The following KRT73 variants were observed in gnomAD, a reference collection of about 807,000 sequenced individuals.
KRT73 encodes keratin, type II cytoskeletal 73.
In KRT73, 44 loss-of-function variants were observed where a neutral mutation model predicts 47.2. The ratio of observed to expected loss-of-function variants is 0.93; its 90% confidence interval spans 0.73 to 1.20. The LOEUF is 1.20. Among genes scored for constraint, KRT73 ranks in the 50% most tolerant of loss-of-function variants. The pLI is 0.00. For missense variants in KRT73, 713 were observed against 704.5 expected, an observed-to-expected ratio of 1.01 and a Z score of -0.14; for synonymous variants, 285 against 291.3, an observed-to-expected ratio of 0.98 and a Z score of 0.22.
upstream of KRT73, among the ~76,000 whole-genome samples, chr12:52,620,258 C>T (rs963015621): frequency 6.6e-6 from 1 of 151,724 alleles, no homozygotes; most frequent in Non-Finnish European, 1.5e-5. Flanking sequence ...GGATGCAACA[C>T]CACGCCCGGC....
Position 52,618,086 on chromosome 12 carries a change from T to C in KRT73, c.439A>G (p.Ile147Val). 3 of 1,613,596 alleles carry C rather than the reference T, an allele frequency of 1.9e-6. No individual in the cohort carries two copies. Among genetic ancestry groups the C allele is most frequent in the African/African-American group, 1.3e-5 (1 of 74,990 alleles). ...TCTCCAGAAAGACCCACCTTGTCAA[T>C]GAAGGAGGCGAACTTGTTGTTCAGC... ...KVLNNKFASF[I>V]DKVRFLEQQN... Residue 147 changes from isoleucine to valine, a missense_variant, in exon 1 of 9, where the codon ATT (isoleucine) becomes GTT (valine). Transcript: ENST00000305748.
intron 7 of KRT73, 31 bp downstream of exon 7, chr12:52,610,584 C>A (rs749486657): frequency 1.6e-6 from 2 of 1,284,938 alleles, no homozygotes; most frequent in South Asian, 2.3e-5. Context: ...TGGAGACTTG[C>A]AGTTTCTTCC....
Position 52,610,791 on chromosome 12 carries a change from C to T in KRT73, c.1155G>A (p.Gly385=), listed in dbSNP as rs1168439920. 1.9e-6 allele frequency: 3 copies of T among 1,613,464 alleles called. No homozygotes were observed. Among genetic ancestry groups the T allele is most frequent in the Non-Finnish European group, 2.5e-6 (3 of 1,179,992 alleles). The change falls in exon 7 of 9, where the codon GGG becomes GGA. Residue 385 remains glycine (G), a synonymous_variant. Transcript: ENST00000305748. ...CCCTGGCATCCTTGAGGGCACAGTC[C>T]CCCCGCTGCTCGGCGTCAGCGATGG... ...ETAIADAEQR[G]DCALKDARAK... is the part of the protein sequence containing the mutation.
At position 52,611,114 on chromosome 12, in the gene KRT73, A is replaced by G. The variant is rs1940691895; in HGVS notation, c.1110+90T>C. ...TCCATTTGAAGAAGGGGATTCTGAA[A>G]TGGATGCTCAAGAGAAGGAGGGGGC... is the stretch of plus-strand genomic sequence containing the variant. On this transcript the variant is annotated intron_variant, in intron 6 of 8. Coordinates refer to ENST00000305748, the MANE Select transcript of KRT73 (RefSeq NM_175068.3). 7 of 1,505,800 alleles carry G rather than the reference A, an allele frequency of 4.6e-6. No homozygotes were observed. The South Asian group carries it at 8.7e-5, about 19-fold the overall frequency. The allele number at this position is 1,505,800 out of a possible 1,614,324, so 93.3% of individuals were successfully genotyped here. A position where few individuals can be genotyped will look rare whatever the true frequency, so the allele number is the denominator to read the frequency against.
At position 52,608,138 on chromosome 12, in the gene KRT73, G is replaced by C; in HGVS notation, c.*58C>G. ...TGAGACAGAGGAATTTCCTAGAAGA[G>C]TCCGGAGCAGTCTGCCAGGGCAAGG... On this transcript the variant is annotated 3_prime_UTR_variant, in exon 9 of 9. Transcript: ENST00000305748. 2 of 1,544,960 alleles carry C rather than the reference G, an allele frequency of 1.3e-6. No individual in the cohort carries two copies. Among genetic ancestry groups the C allele is most frequent in the Admixed American group, 1.8e-5 (1 of 54,736 alleles).
intron 1 of KRT73, 41 bp from the exon 2 acceptor site, chr12:52,616,421 G>A (rs1940815966): frequency 2.5e-6 from 4 of 1,608,484 alleles, no homozygotes; most frequent in Non-Finnish European, 3.4e-6. Flanking sequence ...TGTGGAGAGG[G>A]GATGTGAGAA....
chr12:52,628,648 T>G, the KRT73 span, among the ~76,000 whole-genome samples: 44 of 152,302 alleles, frequency 2.9e-4, 1 homozygote, highest in East Asian at 6.0e-3. Context: ...GAAGAGCTCT[T>G]GCTTCTGCAT....
chr12:52,610,552 C>CCCCCA, intron 7 of KRT73, 63 bp downstream of exon 7: 1 of 1,169,926 alleles, frequency 8.5e-7, no homozygotes. Flanking sequence ...CGCCCCCAAC[C>CCCCCA]ACACTCTGGG....
intron 7 of KRT73, 71 bp downstream of exon 7, chr12:52,610,544 C>CCA: frequency 3.5e-6 from 2 of 577,084 alleles, no homozygotes; most frequent in South Asian, 2.0e-5. Flanking sequence ...CTCCCCCCCG[C>CCA]CCCCAACCAC....
intron 1 of KRT73, among the ~76,000 whole-genome samples, chr12:52,616,896 C>G (rs1940826127): frequency 6.6e-6 from 1 of 152,196 alleles, no homozygotes; most frequent in Admixed American, 6.5e-5. Flanking sequence ...GCTTTCATGT[C>G]TGAATCTCTA....
chr12:52,622,247 T>A (rs1940918968), upstream of KRT73, among the ~76,000 whole-genome samples: 1 of 152,084 alleles, frequency 6.6e-6, no homozygotes, highest in Non-Finnish European at 1.5e-5. Context: ...ACTAAGAACA[T>A]GCTAAATAGA....
At chr12:52,624,886 G>A in the KRT73 span, among the ~76,000 whole-genome samples, 19 of 151,666 alleles carry the variant, frequency 1.3e-4, no homozygotes, top group African/African-American at 1.7e-4. Context: ...TTCAGTGGAA[G>A]AAAGTTAGCC....
At position 52,610,759 on chromosome 12, in the gene KRT73, A is replaced by C. The variant is rs747581795; in HGVS notation, c.1187T>G (p.Leu396Arg). Residue 396 changes from leucine to arginine, a missense_variant, in exon 7 of 9, where the codon CTG becomes CGG. By Grantham distance (102) the Leu-to-Arg change is moderately radical (BLOSUM62 -2). Transcript: ENST00000305748. ...CTGCAGGGCGCCCTCCAGCTCATCC[A>C]GCTTGGCCCTGGCATCCTTGAGGGC... ...DCALKDARAKLDELEGALQQA... is the reference protein window; with the variant it reads ...DCALKDARAKRDELEGALQQA... 1.5e-5 allele frequency: 25 copies of C among 1,613,760 alleles called. No individual in the cohort carries two copies. The highest frequency in any genetic ancestry group is 1.4e-5 in the Non-Finnish European group (17 of 1,180,002).
At position 52,611,582 on chromosome 12, in the gene KRT73, C is replaced by A. The variant is rs1940704613; in HGVS notation, c.985-253G>T. 2.0e-5 allele frequency among the ~76,000 whole-genome samples: 3 copies of A among 152,184 alleles called. No homozygotes were observed. The South Asian group carries it at 6.2e-4, about 32-fold the overall frequency. On this transcript the variant is annotated intron_variant, in intron 5 of 8. Coordinates refer to ENST00000305748, the MANE Select transcript of KRT73 (RefSeq NM_175068.3). ...ATGTCCCAGACTCTCCATATGGCAA[C>A]TTTATAACACACTACTCCAATTATG...
chr12:52,615,272 TC>T lies in KRT73; in HGVS notation c.723+6del, dbSNP rs765792140. Reference sequence around the variant, plus strand: ...GGGACTGAAGGGAACCCATGCACCCTCCTCACCTTCTTAAGCACCACAAATT... The same window carrying T: ...GGGACTGAAGGGAACCCATGCACCCTCTCACCTTCTTAAGCACCACAAATT... On this transcript the variant is annotated splice_donor_region_variant and intron_variant, in intron 3 of 8. Transcript: ENST00000305748. 313 of 1,613,076 alleles carry T rather than the reference TC, an allele frequency of 1.9e-4. 1 individual carries two copies. In the East Asian group the frequency reaches 2.6e-3, roughly 13 times the overall value.
chr12:52,625,540 T>C, the KRT73 span, among the ~76,000 whole-genome samples: 2 of 152,060 alleles, frequency 1.3e-5, no homozygotes. Flanking sequence ...CTAATGAGAA[T>C]GTAAAATGGC....
the KRT73 span, among the ~76,000 whole-genome samples, chr12:52,629,536 G>A: frequency 6.6e-6 from 1 of 152,198 alleles, no homozygotes; most frequent in Non-Finnish European, 1.5e-5. Context: ...AATGCCTACA[G>A]AGCAAGTTCA....
intron 8 of KRT73, among the ~76,000 whole-genome samples, chr12:52,608,961 G>A (rs1296955772): frequency 6.6e-6 from 1 of 152,206 alleles, no homozygotes; most frequent in African/African-American, 2.4e-5. Context: ...GAGCCGGTGT[G>A]GGGGTGACAG....
chr12:52,620,961 CT>C (rs137970976), upstream of KRT73, among the ~76,000 whole-genome samples: 2,169 of 152,240 alleles, frequency 0.014, 52 homozygotes, highest in East Asian at 0.052. Flanking sequence ...CCCTTTGGTC[CT>C]CTCTACTCAC....
Sources: allele counts gnomAD v4.1 joint callset (sites outside exome capture counted in the v4.1 genomes callset), GRCh38; gene constraint gnomAD v4.1.1; transcripts MANE v1.5; gene names NCBI Gene and HGNC (gene_info 2026-07-23, HGNC 2026-07-21).